The following KBTBD3 variants were observed in gnomAD, a reference collection of about 807,000 sequenced individuals.
The protein encoded by KBTBD3 is kelch repeat and BTB domain-containing protein 3.
KBTBD3 carries 38 observed loss-of-function variants against 49.6 expected under a neutral mutation model. That is an observed-to-expected ratio of 0.77 (90% CI 0.59 to 1.00). KBTBD3 has a LOEUF of 1.00. Ranked by LOEUF, KBTBD3 falls within the 50% of genes least tolerant of loss-of-function variation. KBTBD3 has a pLI of 0.00. For synonymous variants in KBTBD3, 214 were observed against 250.4 expected (o/e 0.85, Z 1.37); for missense variants, 661 against 712.0 (o/e 0.93, Z 0.81).
intron 2 of KBTBD3, among the ~76,000 whole-genome samples, chr11:106,072,780 G>A (rs1321340109): frequency 6.6e-6 from 1 of 152,110 alleles, no homozygotes; most frequent in Admixed American, 6.5e-5. Flanking sequence ...TATACAGCAT[G>A]ATTTCTGGCC....
chr11:106,060,355 A>G (rs1184811494), intron 2 of KBTBD3, among the ~76,000 whole-genome samples: 1 of 152,170 alleles, frequency 6.6e-6, no homozygotes, highest in Non-Finnish European at 1.5e-5. Context: ...AACAAAAAAA[A>G]AGTTTCTTGA....
intron 2 of KBTBD3, chr11:106,076,082 G>A (rs979494220): frequency 1.3e-5 from 2 of 152,194 alleles, no homozygotes; most frequent in Non-Finnish European, 2.9e-5. Flanking sequence ...AGTTTAAAAC[G>A]ACAAGAAGGA....
chr11:106,059,887 T>C, intron 2 of KBTBD3, among the ~76,000 whole-genome samples: 1 of 152,034 alleles, frequency 6.6e-6, no homozygotes, highest in Non-Finnish European at 1.5e-5. Context: ...ACCAGAAAAA[T>C]AGAAAACCTT....
intron 2 of KBTBD3, 151 bp from the exon 3 acceptor site, chr11:106,059,260 A>T: frequency 3.6e-6 from 2 of 552,120 alleles, no homozygotes; most frequent in Non-Finnish European, 6.2e-6. Context: ...TTTTCCTGAC[A>T]TTTAATATTA....
intron 2 of KBTBD3, among the ~76,000 whole-genome samples, chr11:106,065,382 G>C (rs1860789484): frequency 6.6e-6 from 1 of 152,158 alleles, no homozygotes; most frequent in Non-Finnish European, 1.5e-5. Context: ...TGCTGGTCTA[G>C]ATGGATTGAA....
chr11:106,075,725 T>C (rs1189279723), intron 2 of KBTBD3: 1 of 152,212 alleles, frequency 6.6e-6, no homozygotes, highest in Non-Finnish European at 1.5e-5. Flanking sequence ...GAGAGTAAGC[T>C]ATTTTAGACT....
intron 2 of KBTBD3, among the ~76,000 whole-genome samples, chr11:106,075,047 G>T (rs1177504485): frequency 6.6e-6 from 1 of 152,162 alleles, no homozygotes; most frequent in East Asian, 1.9e-4. Flanking sequence ...CATGGAAGAG[G>T]TTATGTCACA....
In KBTBD3 at chr11:106,053,475, AAT is replaced by A. The variant is rs1295107594; in HGVS notation, c.1212_1213del (p.Arg404SerfsTer9). The A allele has an allele frequency of 2.5e-6, 4 of 1,613,638 alleles. No homozygotes were observed. The highest frequency in any genetic ancestry group is 3.4e-6 in the Non-Finnish European group (4 of 1,179,858). ...TCTAGTTTTTCCACCTATGACAAAT[AAT>A]CTATCGAGAGCCATAACTGATGTAT... On this transcript the variant is annotated frameshift_variant, in exon 4 of 4. Coordinates refer to ENST00000531837, the MANE Select transcript of KBTBD3 (RefSeq NM_198439.3). LOFTEE classifies it high-confidence loss of function.
intron 3 of KBTBD3, among the ~76,000 whole-genome samples, chr11:106,056,216 T>C (rs1399875723): frequency 1.3e-5 from 2 of 152,222 alleles, no homozygotes; most frequent in Non-Finnish European, 2.9e-5. Context: ...CTATTACATA[T>C]GTACATATTT....
rs772080556 is a variant in KBTBD3 at position 106,052,840 on chromosome 11, T to C, written c.*10A>G. The C allele has an allele frequency of 2.5e-6, 4 of 1,595,408 alleles. No individual in the cohort carries two copies. On this transcript the variant is annotated 3_prime_UTR_variant, in exon 4 of 4. Transcript: ENST00000531837. ...TTTAGGTTACTAGAACTGGACTCGTTTTAGAATGTTCAAGCACATAGATTA... is the reference window on the plus strand; with the variant it reads ...TTTAGGTTACTAGAACTGGACTCGTCTTAGAATGTTCAAGCACATAGATTA...
intron 3 of KBTBD3, among the ~76,000 whole-genome samples, chr11:106,056,045 T>G (rs1481913453): frequency 1.3e-5 from 2 of 152,212 alleles, no homozygotes; most frequent in Non-Finnish European, 2.9e-5. Flanking sequence ...ACATTCCATC[T>G]CAGTAATAAT....
chr11:106,070,810 T>C (rs1860903531), intron 2 of KBTBD3, among the ~76,000 whole-genome samples: 1 of 152,088 alleles, frequency 6.6e-6, no homozygotes, highest in South Asian at 2.1e-4. Flanking sequence ...AACCAAAATG[T>C]TGCACAATAG....
Position 106,051,993 on chromosome 11 carries a change from C to G in KBTBD3, c.*857G>C, listed in dbSNP as rs527723389. 137 of 151,902 alleles carry G rather than the reference C, an allele frequency of 9.0e-4. No homozygotes were observed. The highest frequency in any genetic ancestry group is 3.2e-3 in the African/African-American group (134 of 41,506). 9.4% of individuals were successfully genotyped at this position (151,902 alleles called of 1,614,324 possible). Reference sequence around the variant, plus strand: ...TAATTAGAGGTCAATTTTCTATGTCCTTAATTAGGCTGGAACCTAGCAATG... The same window carrying G: ...TAATTAGAGGTCAATTTTCTATGTCGTTAATTAGGCTGGAACCTAGCAATG... On this transcript the variant is annotated 3_prime_UTR_variant, in exon 4 of 4. Transcript: ENST00000531837.
rs1033944228 is a variant in KBTBD3, at chr11:106,074,053, C to G, written c.-13+2454G>C. 2.0e-5 allele frequency among the ~76,000 whole-genome samples: 3 copies of G among 152,074 alleles called. No homozygotes were observed. In the South Asian group the frequency reaches 6.2e-4, roughly 32 times the overall value. ...GGTACTATTCTAGATACTAGAAATACAGCGAAAAACAACATAGACAAGGTC... is the reference window on the plus strand; with the variant it reads ...GGTACTATTCTAGATACTAGAAATAGAGCGAAAAACAACATAGACAAGGTC... On this transcript the variant is annotated intron_variant, in intron 2 of 3. Coordinates refer to ENST00000531837, the MANE Select transcript of KBTBD3 (RefSeq NM_198439.3).
Position 106,058,899 on chromosome 11 carries a change from G to C in KBTBD3, c.199C>G (p.Arg67Gly). 3 of 1,574,854 alleles carry C rather than the reference G, an allele frequency of 1.9e-6. No homozygotes were observed. The highest frequency in any genetic ancestry group is 2.6e-6 in the Non-Finnish European group (3 of 1,167,318). Reference protein sequence around the residue: ...IMKDEIIPCHRCVLAACSDFF... With the variant: ...IMKDEIIPCHGCVLAACSDFF... The stretch of plus-strand genomic sequence containing the variant: ...TCACTGCATGCTGCTAACACACAAC[G>C]ATGACACGGGATTATTTCATCTTTC... The change falls in exon 3 of 4, where the codon CGT becomes GGT. Residue 67 changes from arginine (R) to glycine (G), a missense_variant. Physicochemically the swap from Arg to Gly is moderately radical, Grantham distance 125 (BLOSUM62 -2). Coordinates refer to ENST00000531837, the MANE Select transcript of KBTBD3 (RefSeq NM_198439.3).
chr11:106,058,767 ACT>A (rs1860617027), intron 3 of KBTBD3, 96 bp downstream of exon 3: 1 of 712,006 alleles, frequency 1.4e-6, no homozygotes, highest in Non-Finnish European at 2.3e-6. Context: ...ATTAAAAATT[ACT>A]GTTGCATGTT....
rs556491450 is a variant in KBTBD3, at chr11:106,064,481, T to C, written c.-12-5372A>G. Reference sequence around the variant, plus strand: ...ATCGCTTGAGCCTGGGAGGCAGAGGTTGCAGTGGGCCAAGATCATGCCATT... The same window carrying C: ...ATCGCTTGAGCCTGGGAGGCAGAGGCTGCAGTGGGCCAAGATCATGCCATT... On this transcript the variant is annotated intron_variant, in intron 2 of 3. Transcript: ENST00000531837. Among the ~76,000 whole-genome samples the C allele has an allele frequency of 1.3e-4, 19 of 149,156 alleles. No individual in the cohort carries two copies. In the East Asian group the frequency reaches 3.2e-3, roughly 25 times the overall value.
At chr11:106,058,112 C>T (rs1591534391) in intron 3 of KBTBD3, 1 of 393,184 alleles carries the variant, frequency 2.5e-6, no homozygotes, top group Non-Finnish European at 4.5e-6. Flanking sequence ...CGGCCCAGCG[C>T]AGTGGCTCAC....
In KBTBD3 at chr11:106,052,708, CTGTT is replaced by C. The variant is rs1860443840; in HGVS notation, c.*138_*141del. 3.4e-6 allele frequency: 2 copies of C among 584,516 alleles called. No homozygotes were observed. The highest frequency in any genetic ancestry group is 4.6e-4 in the Middle Eastern group (1 of 2,154). The allele number at this position is 584,516 out of a possible 1,614,324, so 36.2% of individuals were successfully genotyped here. A position where few individuals can be genotyped will look rare whatever the true frequency, so the allele number is the denominator to read the frequency against. ...ATTTTGTATTTTAAGTTTTTGGAAA[CTGTT>C]TATTCATATATGGTGTACATACATA... On this transcript the variant is annotated 3_prime_UTR_variant, in exon 4 of 4. Transcript: ENST00000531837.
Sources: allele counts gnomAD v4.1 joint callset (sites outside exome capture counted in the v4.1 genomes callset), GRCh38; gene constraint gnomAD v4.1.1; transcripts MANE v1.5; gene names NCBI Gene and HGNC (gene_info 2026-07-23, HGNC 2026-07-21).